The following SFXN5 variants were observed in gnomAD, a reference collection of about 807,000 sequenced individuals.
SFXN5 encodes sideroflexin-5.
In SFXN5, 43 loss-of-function variants were observed where a neutral mutation model predicts 50.2. That is an observed-to-expected ratio of 0.86 (90% CI 0.67 to 1.11). The LOEUF is 1.11. SFXN5 is among the 50% of genes least tolerant of loss of function. SFXN5 has a pLI of 0.00. For synonymous variants in SFXN5, 203 were observed against 185.8 expected, an observed-to-expected ratio of 1.09 and a Z score of -0.75; for missense variants, 463 against 454.1, an observed-to-expected ratio of 1.02 and a Z score of -0.18.
In SFXN5 at chr2:72,954,510, G is replaced by A. The variant is rs147250941; in HGVS notation, c.945+6621C>T. On this transcript the variant is annotated intron_variant, in intron 13 of 13. Transcript: ENST00000272433. ...CAGTGAACCTCACTCCTGCCCCCAG[G>A]GGCCCCTGCAACAGCTGAGGCAGGG... Among the ~76,000 whole-genome samples the A allele has an allele frequency of 2.0e-3, 302 of 152,220 alleles. 2 individuals carry two copies. Among genetic ancestry groups the A allele is most frequent in the African/African-American group, 6.9e-3 (287 of 41,546 alleles).
At chr2:72,991,353 C>CACATATG (rs1672580774) in intron 9 of SFXN5, among the ~76,000 whole-genome samples, 1 of 152,270 alleles carries the variant, frequency 6.6e-6, no homozygotes, top group Non-Finnish European at 1.5e-5. Flanking sequence ...TAGTGCGGCA[C>CACATATG]ACATATGTTT....
intron 1 of SFXN5, chr2:73,059,906 A>AT: frequency 1.0e-6 from 1 of 971,376 alleles, no homozygotes; most frequent in Non-Finnish European, 1.2e-6. Context: ...TCACTGCTGC[A>AT]TTCTTTACAA....
Position 72,973,575 on chromosome 2 carries a change from T to A in SFXN5, c.626-1890A>T, listed in dbSNP as rs1670276984. 2 of 166,314 alleles carry A rather than the reference T, an allele frequency of 1.2e-5. No individual in the cohort carries two copies. The highest frequency in any genetic ancestry group is 1.3e-4 in the Admixed American group (2 of 15,284). 10.3% of individuals were successfully genotyped at this position (166,314 alleles called of 1,614,324 possible). A position where few individuals can be genotyped will look rare whatever the true frequency, so the allele number is the denominator to read the frequency against. ...CACCACAGTCAGTGACAGACAGAAT[T>A]AGGAAGCTGAATCCAAGGTAAAGGA... is the stretch of plus-strand genomic sequence containing the variant. On this transcript the variant is annotated intron_variant, in intron 10 of 13. Transcript: ENST00000272433. The surrounding 1 kb of genome is among the most constrained non-coding windows in gnomAD (Gnocchi z 5.5).
Position 72,992,708 on chromosome 2 carries a change from G to A in SFXN5, c.535-4360C>T, listed in dbSNP as rs1001053621. Among the ~76,000 whole-genome samples the A allele has an allele frequency of 6.6e-6, 1 of 152,204 alleles. No homozygotes were observed. The highest frequency in any genetic ancestry group is 1.9e-4 in the East Asian group (1 of 5,190). On this transcript the variant is annotated intron_variant, in intron 9 of 13. Coordinates refer to ENST00000272433, the MANE Select transcript of SFXN5 (RefSeq NM_144579.3). The surrounding 1 kb of genome is among the most constrained non-coding windows in gnomAD (Gnocchi z 4.5). Reference sequence around the variant, plus strand: ...CCCTGCTCCCAACACTCAGCACGCAGCCTCTGTCCCTGGATGACAGTGCAC... The same window carrying A: ...CCCTGCTCCCAACACTCAGCACGCAACCTCTGTCCCTGGATGACAGTGCAC...
chr2:73,027,771 C>T (rs528633214), intron 3 of SFXN5, among the ~76,000 whole-genome samples: 14 of 152,200 alleles, frequency 9.2e-5, no homozygotes, highest in Non-Finnish European at 1.5e-4. Context: ...GCAATCCTCC[C>T]ACCTCAGCCT....
chr2:72,979,398 C>A (rs980966145), intron 10 of SFXN5, among the ~76,000 whole-genome samples: 12 of 152,124 alleles, frequency 7.9e-5, no homozygotes, highest in African/African-American at 2.9e-4. Flanking sequence ...CTTTGAGAGG[C>A]CAAGGCGGGT....
intron 6 of SFXN5, among the ~76,000 whole-genome samples, chr2:73,009,267 G>C (rs1479302248): frequency 1.3e-5 from 2 of 152,242 alleles, no homozygotes; most frequent in African/African-American, 4.8e-5. Context: ...TAAATGTTCA[G>C]TGCTACCAGG....
chr2:72,957,292 G>C (rs1177679066), intron 13 of SFXN5, among the ~76,000 whole-genome samples: 1 of 152,204 alleles, frequency 6.6e-6, no homozygotes, highest in Non-Finnish European at 1.5e-5. Flanking sequence ...CTCCCAGCAT[G>C]CTGCCTGGTC....
At chr2:73,057,643 C>T (rs540193227) in intron 2 of SFXN5, among the ~76,000 whole-genome samples, 1 of 152,232 alleles carries the variant, frequency 6.6e-6, no homozygotes, top group South Asian at 2.1e-4. Flanking sequence ...ATCTTGATTG[C>T]CCATATGGTT....
chr2:73,038,529 T>G (rs1679242207), intron 3 of SFXN5, among the ~76,000 whole-genome samples: 1 of 152,130 alleles, frequency 6.6e-6, no homozygotes, highest in African/African-American at 2.4e-5. Context: ...CTCAGGAGGC[T>G]GAGGTGGGAG....
chr2:72,964,609 C>T (rs1209937013), intron 12 of SFXN5, among the ~76,000 whole-genome samples: 1 of 152,220 alleles, frequency 6.6e-6, no homozygotes, highest in Admixed American at 6.5e-5. Flanking sequence ...GCCTCCCTAC[C>T]ACACAGTCCT....
intron 2 of SFXN5, among the ~76,000 whole-genome samples, chr2:73,056,854 G>A (rs1574259026): frequency 6.6e-6 from 1 of 152,194 alleles, no homozygotes; most frequent in Non-Finnish European, 1.5e-5. Context: ...ACAACGCTTT[G>A]AACAACAGTT....
At chr2:73,044,950 C>T (rs901030215) in intron 2 of SFXN5, among the ~76,000 whole-genome samples, 1 of 152,154 alleles carries the variant, frequency 6.6e-6, no homozygotes, top group African/African-American at 2.4e-5. Flanking sequence ...GGGAAGAGGG[C>T]AGGATACCCC....
At chr2:73,017,616 T>C (rs1275416660) in intron 6 of SFXN5, among the ~76,000 whole-genome samples, 1 of 152,218 alleles carries the variant, frequency 6.6e-6, no homozygotes, top group Non-Finnish European at 1.5e-5. Flanking sequence ...TTTGTATGTA[T>C]AAGATTTAGC....
intron 3 of SFXN5, among the ~76,000 whole-genome samples, chr2:73,025,482 A>C (rs929566721): frequency 6.6e-6 from 1 of 152,234 alleles, no homozygotes; most frequent in Non-Finnish European, 1.5e-5. Flanking sequence ...ACCTAGACTT[A>C]AGTTGACTTC....
chr2:73,033,340 C>T (rs778820372), intron 3 of SFXN5, among the ~76,000 whole-genome samples: 27 of 152,040 alleles, frequency 1.8e-4, no homozygotes, highest in Admixed American at 1.4e-3. Flanking sequence ...GACAGACAAA[C>T]GATAAGCAAC....
intron 9 of SFXN5, among the ~76,000 whole-genome samples, chr2:72,991,356 A>T (rs377153584): frequency 6.6e-6 from 1 of 152,250 alleles, no homozygotes; most frequent in African/African-American, 2.4e-5. Flanking sequence ...TGCGGCACAC[A>T]TATGTTTCTG....
intron 4 of SFXN5, among the ~76,000 whole-genome samples, 153 bp from the exon 5 acceptor site, chr2:73,022,729 G>A (rs764791068): frequency 6.6e-6 from 1 of 152,158 alleles, no homozygotes. Context: ...ACCAGTGGCT[G>A]TATGTTGCCT....
At chr2:72,978,635 T>C (rs935556316) in intron 10 of SFXN5, among the ~76,000 whole-genome samples, 1 of 152,132 alleles carries the variant, frequency 6.6e-6, no homozygotes, top group Non-Finnish European at 1.5e-5. Context: ...GAAGAGGATG[T>C]AGGGAAACAA....
Sources: gnomAD v4.1 joint callset for allele counts (sites outside exome capture counted in the v4.1 genomes callset) on GRCh38, gnomAD v4.1.1 for gene constraint, Gnocchi (gnomAD v3.1) non-coding constraint, MANE v1.5 for transcripts, NCBI Gene and HGNC (gene_info 2026-07-23, HGNC 2026-07-21) for gene names.